SNX29: variants seen among roughly 807,000 people sequenced by gnomAD.
The protein encoded by SNX29 is sorting nexin 29, also known as sorting nexin-29.
SNX29 carries 78 observed loss-of-function variants against 102.1 expected under a neutral mutation model. The ratio of observed to expected loss-of-function variants is 0.76; its 90% CI spans 0.64 to 0.92. The LOEUF (loss-of-function observed/expected upper bound fraction) is 0.92, where lower values mean the gene tolerates loss of function less well. Among genes scored for constraint, SNX29 ranks in the 40% least tolerant of loss-of-function variants. The probability of loss-of-function intolerance (pLI) is 0.00; values close to 1 mark genes in which losing one functional copy is unlikely to be tolerated. For missense variants in SNX29, 1,280 were observed against 1,061.7 expected (o/e 1.21, Z -2.86); for synonymous variants, 580 against 414.5 (o/e 1.40, Z -4.85).
At chr16:12,285,491 A>C (rs1458422983) in intron 15 of SNX29, among the ~76,000 whole-genome samples, 2 of 152,230 alleles carry the variant, frequency 1.3e-5, no homozygotes, top group African/African-American at 4.8e-5. Context: ...ATTTGTTCTC[A>C]TTATAATGGC....
intron 20 of SNX29, among the ~76,000 whole-genome samples, chr16:12,565,182 C>A (rs76440227): frequency 6.6e-6 from 1 of 152,150 alleles, no homozygotes; most frequent in Non-Finnish European, 1.5e-5. Flanking sequence ...ACCCAACCCC[C>A]CACCTTCAGA....
intron 15 of SNX29, among the ~76,000 whole-genome samples, chr16:12,324,476 G>A (rs77840148): frequency 0.011 from 1,604 of 152,116 alleles, 22 homozygotes; most frequent in African/African-American, 0.037. Context: ...GTCAGGCCAT[G>A]TTGCCCAGGC....
chr16:12,542,209 A>G (rs550997492), intron 20 of SNX29, among the ~76,000 whole-genome samples: 86 of 152,254 alleles, frequency 5.6e-4, no homozygotes, highest in Non-Finnish European at 9.6e-4. Context: ...GTGTCAAGGA[A>G]TCTGCAACTC....
chr16:12,072,125 T>G (rs1033029081), intron 10 of SNX29, among the ~76,000 whole-genome samples: 1 of 152,352 alleles, frequency 6.6e-6, no homozygotes, highest in Non-Finnish European at 1.5e-5. Context: ...AGGGACAATT[T>G]GACTTCCTCT....
chr16:12,545,288 C>T lies in SNX29; in HGVS notation c.2318+20447C>T, dbSNP rs190337626. 8.7e-4 allele frequency among the ~76,000 whole-genome samples: 132 copies of T among 152,326 alleles called. No individual in the cohort carries two copies. In the Middle Eastern group the frequency reaches 0.01, roughly 12 times the overall value. On this transcript the variant is annotated intron_variant, in intron 20 of 20. Coordinates refer to ENST00000566228, the MANE Select transcript of SNX29 (RefSeq NM_032167.5). ...CTGTTGAGAAATTGGTTTGCCACTT[C>T]GCCCTCTTTACATCTGGAAGACTCG...
At chr16:12,557,911 C>T (rs570453773) in intron 20 of SNX29, among the ~76,000 whole-genome samples, 22 of 152,270 alleles carry the variant, frequency 1.4e-4, no homozygotes, top group East Asian at 5.8e-4. Flanking sequence ...ATTCTCAAGT[C>T]GTCAGGGCAG....
At chr16:12,530,870 A>T (rs2076913306) in intron 20 of SNX29, among the ~76,000 whole-genome samples, 1 of 152,096 alleles carries the variant, frequency 6.6e-6, no homozygotes, top group African/African-American at 2.4e-5. Context: ...TTCTTAATTT[A>T]ATAAAACTGG....
chr16:12,506,049 CT>C (rs2089363482), intron 19 of SNX29, among the ~76,000 whole-genome samples: 1 of 152,130 alleles, frequency 6.6e-6, no homozygotes, highest in South Asian at 2.1e-4. Flanking sequence ...CAACCTCCGC[CT>C]CCCAGGCTCA....
At position 12,068,312 on chromosome 16, in the gene SNX29, T is replaced by C. The variant is rs1318262506; in HGVS notation, c.1244-745T>C. 2.6e-5 allele frequency among the ~76,000 whole-genome samples: 4 copies of C among 151,302 alleles called. No individual in the cohort carries two copies. In the East Asian group the frequency reaches 7.8e-4, roughly 29 times the overall value. On this transcript the variant is annotated intron_variant, in intron 9 of 20. Coordinates refer to ENST00000566228, the MANE Select transcript of SNX29 (RefSeq NM_032167.5). ...GGCAACATAGTGGGACCCCCATCTC[T>C]ACAAAAAAAAATAAAAAATAAATTA...
chr16:12,387,158 C>T (rs573764704), intron 16 of SNX29, among the ~76,000 whole-genome samples: 1 of 152,146 alleles, frequency 6.6e-6, no homozygotes, highest in Admixed American at 6.5e-5. Flanking sequence ...GAGAGCCACA[C>T]CTAGATTCCC....
intron 20 of SNX29, among the ~76,000 whole-genome samples, chr16:12,562,967 G>A (rs2078813569): frequency 7.0e-6 from 1 of 142,646 alleles, no homozygotes; most frequent in East Asian, 2.3e-4. Context: ...CCCAACACAA[G>A]GGGTGAGGGC....
intron 13 of SNX29, among the ~76,000 whole-genome samples, chr16:12,161,140 G>A (rs1038560829): frequency 2.0e-5 from 3 of 152,084 alleles, no homozygotes; most frequent in African/African-American, 7.2e-5. Flanking sequence ...CTGATACCTC[G>A]TCACGTTCTG....
intron 20 of SNX29, among the ~76,000 whole-genome samples, chr16:12,545,141 C>T (rs1021023131): frequency 6.6e-6 from 1 of 152,122 alleles, no homozygotes. Flanking sequence ...CCTAGCACAG[C>T]TATGAAGTAC....
chr16:12,313,532 G>T (rs1167516433), intron 15 of SNX29, among the ~76,000 whole-genome samples: 2 of 152,206 alleles, frequency 1.3e-5, no homozygotes, highest in African/African-American at 4.8e-5. Context: ...TGACCTGCCA[G>T]TATGAACTGG....
intron 18 of SNX29, among the ~76,000 whole-genome samples, chr16:12,413,634 A>G (rs7192339): frequency 0.56 from 85,255 of 151,822 alleles, 24,471 homozygotes; most frequent in Non-Finnish European, 0.63. Flanking sequence ...GTTCAGTGGT[A>G]CGCTGCTGTG....
At chr16:12,199,454 T>C in intron 13 of SNX29, 147 bp from the exon 14 acceptor site, 1 of 624,854 alleles carries the variant, frequency 1.6e-6, no homozygotes, top group East Asian at 3.0e-5. Flanking sequence ...CCCGTGATGA[T>C]ATCTAAACCA....
intron 10 of SNX29, among the ~76,000 whole-genome samples, chr16:12,073,673 G>A (rs747500437): frequency 6.6e-6 from 1 of 152,204 alleles, no homozygotes; most frequent in African/African-American, 2.4e-5. Flanking sequence ...TTCTGTAGAT[G>A]TCTATTAGAT....
intron 8 of SNX29, among the ~76,000 whole-genome samples, chr16:12,056,373 T>C (rs2050521659): frequency 6.6e-6 from 1 of 152,184 alleles, no homozygotes; most frequent in African/African-American, 2.4e-5. Flanking sequence ...CTGCAGACTC[T>C]GGACAGCTCT....
chr16:12,532,180 C>T (rs1318257180), intron 20 of SNX29, among the ~76,000 whole-genome samples: 1 of 152,206 alleles, frequency 6.6e-6, no homozygotes, highest in Non-Finnish European at 1.5e-5. Context: ...CTACTGCAAA[C>T]AATGAATCAT....
Sources: allele counts gnomAD v4.1 joint callset (sites outside exome capture counted in the v4.1 genomes callset), GRCh38; gene constraint gnomAD v4.1.1; transcripts MANE v1.5; gene names NCBI Gene and HGNC (gene_info 2026-07-23, HGNC 2026-07-21).